Variants in VSIR observed in about 807,000 individuals in gnomAD.
VSIR encodes the protein V-type immunoglobulin domain-containing suppressor of T-cell activation.
In VSIR, 10 loss-of-function variants were observed where a neutral mutation model predicts 31.0. The ratio of observed to expected loss-of-function variants is 0.32; its 90% CI spans 0.20 to 0.55. The LOEUF (loss-of-function observed/expected upper bound fraction) is 0.55. Ranked by LOEUF, VSIR falls within the 20% of genes least tolerant of loss-of-function variation. The probability of loss-of-function intolerance (pLI) is 0.93; values close to 1 mark genes in which losing one functional copy is unlikely to be tolerated. For synonymous variants in VSIR, 179 were observed against 180.1 expected, an observed-to-expected ratio of 0.99 and a Z score of 0.05; for missense variants, 356 against 416.2, an observed-to-expected ratio of 0.86 and a Z score of 1.26.
chr10:71,765,445 A>T (rs1840512904), intron 1 of VSIR, among the ~76,000 whole-genome samples: 1 of 152,140 alleles, frequency 6.6e-6, no homozygotes, highest in East Asian at 1.9e-4. Flanking sequence ...GGGGGCCCTC[A>T]AGTGGACAGA....
intron 2 of VSIR, 98 bp from the exon 3 acceptor site, chr10:71,761,022 A>G (rs1361902860): frequency 1.6e-6 from 2 of 1,226,514 alleles, no homozygotes; most frequent in Non-Finnish European, 2.4e-6. Flanking sequence ...CCAGGTTCTC[A>G]CGCTAGTGCC....
In VSIR at chr10:71,759,876, C is replaced by CACACACATATATAT. The variant is rs1840265488; in HGVS notation, c.568+991_568+992insATATATATGTGTGT. ...ACACACACACACACATATATATACA[C>CACACACATATATAT]ACACACACATATACACACACACATA... is the stretch of plus-strand genomic sequence containing the variant. On this transcript the variant is annotated intron_variant, in intron 3 of 6. Coordinates refer to ENST00000394957, the MANE Select transcript of VSIR (RefSeq NM_022153.2). Among the ~76,000 whole-genome samples the CACACACATATATAT allele has an allele frequency of 2.6e-5, 2 of 76,854 alleles. 1 individual carries two copies. The highest frequency in any genetic ancestry group is 6.7e-5 in the Non-Finnish European group (2 of 30,056). 50.4% of individuals were successfully genotyped at this position (76,854 alleles called of 152,430 possible). A position where few individuals can be genotyped will look rare whatever the true frequency, so the allele number is the denominator to read the frequency against.
chr10:71,773,308 T>A (rs766686329), intron 1 of VSIR, 50 bp downstream of exon 1: 1 of 1,549,808 alleles, frequency 6.5e-7, no homozygotes, highest in South Asian at 1.2e-5. Flanking sequence ...CACTCCAGTC[T>A]GCTGTCTTCT....
rs369798479 is a variant in VSIR, at chr10:71,750,389, T to C, written c.*864A>G. ...AAGTGTCCCAGGGTGGACAAGACAT[T>C]GTGTGGCACCCTTGCAATGGCCCGC... On this transcript the variant is annotated 3_prime_UTR_variant, in exon 7 of 7. Transcript: ENST00000394957. 4 of 150,080 alleles carry C rather than the reference T, an allele frequency of 2.7e-5. No homozygotes were observed. The East Asian group carries it at 8.1e-4, about 30-fold the overall frequency. The allele number at this position is 150,080 out of a possible 1,614,324, so 9.3% of individuals were successfully genotyped here.
intron 5 of VSIR, among the ~76,000 whole-genome samples, chr10:71,752,292 G>A (rs1460293214): frequency 6.6e-6 from 1 of 152,202 alleles, no homozygotes; most frequent in Non-Finnish European, 1.5e-5. Context: ...AGTTGGGAGT[G>A]GGATAACTTC....
At position 71,759,872 on chromosome 10, in the gene VSIR, TAC is replaced by T. The variant is rs1171869977; in HGVS notation, c.568+994_568+995del. On this transcript the variant is annotated intron_variant, in intron 3 of 6. Coordinates refer to ENST00000394957, the MANE Select transcript of VSIR (RefSeq NM_022153.2). ...ATATACACACACACACACATATATA[TAC>T]ACACACACACATATACACACACACA... Among the ~76,000 whole-genome samples, 173 of 34,902 alleles carry T rather than the reference TAC, an allele frequency of 5.0e-3. 14 individuals are homozygous for T. The highest frequency in any genetic ancestry group is 0.024 in the Middle Eastern group (2 of 82). 22.9% of individuals were successfully genotyped at this position (34,902 alleles called of 152,430 possible). A position where few individuals can be genotyped will look rare whatever the true frequency, so the allele number is the denominator to read the frequency against.
intron 1 of VSIR, among the ~76,000 whole-genome samples, chr10:71,768,298 G>A (rs1234096672): frequency 6.6e-6 from 1 of 152,036 alleles, no homozygotes; most frequent in African/African-American, 2.4e-5. Context: ...AGCCTCCCGA[G>A]TAGCTGGGAC....
At chr10:71,759,098 C>T (rs918371620) in intron 3 of VSIR, among the ~76,000 whole-genome samples, 1 of 151,226 alleles carries the variant, frequency 6.6e-6, no homozygotes, top group Non-Finnish European at 1.5e-5. Context: ...AGTGCAGTGG[C>T]GCGATCTCGG....
At position 71,751,632 on chromosome 10, in the gene VSIR, C is replaced by T; in HGVS notation, c.898+36G>A. ...TGCAGGCCATGAGGTCATGACCTTA[C>T]AGGTCATCGTGCTGTGAAGGTCAGG... On this transcript the variant is annotated intron_variant, in intron 6 of 6. Coordinates refer to ENST00000394957, the MANE Select transcript of VSIR (RefSeq NM_022153.2). The surrounding 1 kb of genome is among the most constrained non-coding windows in gnomAD (Gnocchi z 4.9). 5.3e-6 allele frequency: 8 copies of T among 1,504,870 alleles called. No homozygotes were observed. Among genetic ancestry groups the T allele is most frequent in the Non-Finnish European group, 7.1e-6 (8 of 1,124,204 alleles). 93.2% of individuals were successfully genotyped at this position (1,504,870 alleles called of 1,614,324 possible). A position where few individuals can be genotyped will look rare whatever the true frequency, so the allele number is the denominator to read the frequency against.
At chr10:71,752,242 G>A (rs576704633) in intron 5 of VSIR, among the ~76,000 whole-genome samples, 2 of 152,316 alleles carry the variant, frequency 1.3e-5, no homozygotes, top group South Asian at 4.1e-4. Context: ...CATCCCCAAA[G>A]CCTGTCTTGA....
intron 3 of VSIR, among the ~76,000 whole-genome samples, chr10:71,756,340 G>C (rs1385277768): frequency 3.3e-5 from 5 of 152,122 alleles, no homozygotes; most frequent in African/African-American, 1.2e-4. Flanking sequence ...ACATCTCTCT[G>C]TCTCCCCTGC....
chr10:71,761,016 G>A (rs1329703070), intron 2 of VSIR, 92 bp from the exon 3 acceptor site: 1 of 1,299,784 alleles, frequency 7.7e-7, no homozygotes, highest in Non-Finnish European at 1.1e-6. Flanking sequence ...CCTGCCCCAG[G>A]TTCTCACGCT....
At chr10:71,772,063 G>T (rs1187070983) in intron 1 of VSIR, among the ~76,000 whole-genome samples, 1 of 152,270 alleles carries the variant, frequency 6.6e-6, no homozygotes, top group East Asian at 1.9e-4. Context: ...CCATGGCCTT[G>T]GTGCTGAGAC....
intron 1 of VSIR, among the ~76,000 whole-genome samples, chr10:71,767,364 G>A (rs536049801): frequency 5.3e-5 from 8 of 152,180 alleles, no homozygotes; most frequent in African/African-American, 1.4e-4. Context: ...TTGGTTAGTC[G>A]GGCCTAGGAA....
In VSIR at chr10:71,762,043, G is replaced by A. The variant is rs1278692512; in HGVS notation, c.83-17C>T. 6 of 1,577,330 alleles carry A rather than the reference G, an allele frequency of 3.8e-6. No homozygotes were observed. In the African/African-American group the frequency reaches 4.0e-5, roughly 11 times the overall value. On this transcript the variant is annotated splice_polypyrimidine_tract_variant and intron_variant, in intron 1 of 6. Coordinates refer to ENST00000394957, the MANE Select transcript of VSIR (RefSeq NM_022153.2). ...CCACCGGACCTGCTCAGAGAGAGGA[G>A]AGCCCTGTCACCTGACTGATCCAGT...
At chr10:71,753,968 G>A in intron 4 of VSIR, 6 of 436,048 alleles carry the variant, frequency 1.4e-5, no homozygotes, top group South Asian at 8.1e-5. Context: ...TTTAGAGCTG[G>A]GGAAACTGAG....
intron 1 of VSIR, among the ~76,000 whole-genome samples, chr10:71,767,950 C>T (rs3747864): frequency 0.087 from 13,267 of 152,212 alleles, 831 homozygotes; most frequent in East Asian, 0.28. Context: ...CCAGAGGTCC[C>T]GGCCCGTGGA....
intron 1 of VSIR, among the ~76,000 whole-genome samples, chr10:71,763,502 C>T (rs912852340): frequency 1.3e-5 from 2 of 152,186 alleles, no homozygotes; most frequent in African/African-American, 4.8e-5. Flanking sequence ...CCAGGACCCT[C>T]GGCGGCAGGC....
intron 1 of VSIR, among the ~76,000 whole-genome samples, chr10:71,767,116 C>A (rs899573748): frequency 6.6e-6 from 1 of 152,254 alleles, no homozygotes; most frequent in African/African-American, 2.4e-5. Context: ...AGCTGTGGCA[C>A]CCTCAGATGT....
Sources: gnomAD v4.1 joint callset for allele counts (sites outside exome capture counted in the v4.1 genomes callset) on GRCh38, gnomAD v4.1.1 for gene constraint, Gnocchi (gnomAD v3.1) non-coding constraint, MANE v1.5 for transcripts, NCBI Gene and HGNC (gene_info 2026-07-23, HGNC 2026-07-21) for gene names.